Variants in PLEKHA5 observed in about 807,000 individuals in gnomAD.
PLEKHA5 encodes the protein pleckstrin homology domain containing A5, also known as pleckstrin homology domain-containing family A member 5.
A neutral mutation model predicts 181.9 loss-of-function variants in PLEKHA5; 55 were observed. The observed-to-expected ratio is 0.30, with a 90% CI of 0.24 to 0.38. The LOEUF is 0.38. Among genes scored for constraint, PLEKHA5 ranks in the 10% least tolerant of loss-of-function variants. The pLI, the probability that PLEKHA5 is intolerant of heterozygous loss-of-function variation, is 1.00. For missense variants in PLEKHA5, 1,432 were observed against 1,549.5 expected (o/e 0.92, Z 1.27); for synonymous variants, 535 against 529.4 (o/e 1.01, Z -0.15).
chr12:19,167,927 G>C (rs1225977653), intron 3 of PLEKHA5, among the ~76,000 whole-genome samples: 3 of 152,004 alleles, frequency 2.0e-5, no homozygotes, highest in African/African-American at 7.2e-5. Context: ...GGTAGTATGT[G>C]AATCAGTCTA....
At chr12:19,304,014 G>A (rs549757040) in intron 15 of PLEKHA5, among the ~76,000 whole-genome samples, 6 of 149,888 alleles carry the variant, frequency 4.0e-5, no homozygotes, top group Non-Finnish European at 7.4e-5. Flanking sequence ...TCACCATGTT[G>A]CCCATGCTGG....
At chr12:19,291,567 C>A in intron 14 of PLEKHA5, 77 bp from the exon 15 acceptor site, 1 of 838,804 alleles carries the variant, frequency 1.2e-6, no homozygotes, top group South Asian at 1.6e-5. Context: ...ACCTGTTTTT[C>A]TTATTCCAAA....
intron 30 of PLEKHA5, among the ~76,000 whole-genome samples, chr12:19,369,069 C>T (rs1317529589): frequency 6.6e-6 from 1 of 151,944 alleles, no homozygotes; most frequent in Non-Finnish European, 1.5e-5. Flanking sequence ...AAGTCTTGCT[C>T]TCTTGCCCAG....
intron 29 of PLEKHA5, among the ~76,000 whole-genome samples, chr12:19,365,545 G>C (rs1429667922): frequency 6.6e-6 from 1 of 152,128 alleles, no homozygotes; most frequent in Non-Finnish European, 1.5e-5. Flanking sequence ...TAAGGAATTT[G>C]TCAGGCAATA....
rs142102602 is a variant in PLEKHA5 at position 19,322,367 on chromosome 12, C to G, written c.2275C>G (p.Leu759Val). Residue 759 changes from leucine (L) to valine (V), a missense_variant, in exon 19 of 32, where the codon CTT (leucine) becomes GTT (valine). By Grantham distance (32) the Leu-to-Val change is conservative (BLOSUM62 1). Around this residue, in one of 2 missense-constraint regions of PLEKHA5, gnomAD observed 1,143 missense variants for 1,168.4 expected, o/e 0.98. Coordinates refer to ENST00000429027, the MANE Select transcript of PLEKHA5 (RefSeq NM_001256470.2). ...AGTGGTGCATGCTCTGGAAGAGAAACTTCAGCAACTCCACAAGGAGAAAGT... is the reference window on the plus strand; with the variant it reads ...AGTGGTGCATGCTCTGGAAGAGAAAGTTCAGCAACTCCACAAGGAGAAAGT... The part of the protein sequence containing the change: ...DKVVHALEEK[L>V]QQLHKEKYTL... The G allele has an allele frequency of 6.8e-6, 11 of 1,612,654 alleles. No individual in the cohort carries two copies. The highest frequency in any genetic ancestry group is 9.3e-6 in the Non-Finnish European group (11 of 1,178,738).
intron 22 of PLEKHA5, among the ~76,000 whole-genome samples, chr12:19,345,154 C>G (rs2094225382): frequency 6.6e-6 from 1 of 151,750 alleles, no homozygotes; most frequent in South Asian, 2.1e-4. Flanking sequence ...AATCCGAGCA[C>G]TTTGGGAGGC....
chr12:19,159,287 C>A (rs1399471), intron 3 of PLEKHA5, among the ~76,000 whole-genome samples: 1 of 151,956 alleles, frequency 6.6e-6, no homozygotes, highest in Non-Finnish European at 1.5e-5. Context: ...ATCTGGATCC[C>A]AAAAGAAGTA....
At chr12:19,291,565 T>G (rs1341232348) in intron 14 of PLEKHA5, 79 bp from the exon 15 acceptor site, 1 of 823,954 alleles carries the variant, frequency 1.2e-6, no homozygotes, top group Non-Finnish European at 1.9e-6. Flanking sequence ...TTACCTGTTT[T>G]TCTTATTCCA....
In PLEKHA5 at chr12:19,343,313, T is replaced by C; in HGVS notation, c.2551-10T>C. ...TTTCTTATATATGGTCTATCCATTT[T>C]TACTGATAGACGGAATCAGCAGGAA... On this transcript the variant is annotated splice_polypyrimidine_tract_variant and intron_variant, in intron 21 of 31. Coordinates refer to ENST00000429027, the MANE Select transcript of PLEKHA5 (RefSeq NM_001256470.2). 6.4e-7 allele frequency: 1 copy of C among 1,574,448 alleles called. No homozygotes were observed. Among genetic ancestry groups the C allele is most frequent in the Middle Eastern group, 1.7e-4 (1 of 5,970 alleles).
chr12:19,361,680 C>T lies in PLEKHA5; in HGVS notation c.3582C>T (p.Asp1194=), dbSNP rs2095248350. ...TGATGGATAAAGAAAGAAACAAAGA[C>T]AAAATGCCTGAGGATGTTACATTCA... ...VEMMDKERNK[D]KMPEDVTFSP... is the part of the protein sequence containing the mutation. Residue 1194 remains aspartate (D), a synonymous_variant, in exon 29 of 32, where the codon GAC becomes GAT. Transcript: ENST00000429027. 6 of 1,599,400 alleles carry T rather than the reference C, an allele frequency of 3.8e-6. No homozygotes were observed. The highest frequency in any genetic ancestry group is 5.1e-6 in the Non-Finnish European group (6 of 1,171,366).
chr12:19,369,224 G>A (rs1009000203), intron 30 of PLEKHA5, among the ~76,000 whole-genome samples: 2 of 151,656 alleles, frequency 1.3e-5, no homozygotes, highest in South Asian at 4.1e-4. Flanking sequence ...TAGTAGAGTC[G>A]GGGTTTCACC....
chr12:19,178,291 G>A (rs548170363), intron 3 of PLEKHA5, among the ~76,000 whole-genome samples: 59 of 152,254 alleles, frequency 3.9e-4, no homozygotes, highest in African/African-American at 1.4e-3. Flanking sequence ...ATTATATTTT[G>A]TTCAGAATTC....
At chr12:19,246,385 G>A (rs574377958) in intron 3 of PLEKHA5, among the ~76,000 whole-genome samples, 1 of 151,914 alleles carries the variant, frequency 6.6e-6, no homozygotes, top group East Asian at 2.0e-4. Context: ...AGCACTTTGG[G>A]ATGCTGAGGT....
At chr12:19,200,323 A>G in intron 3 of PLEKHA5, 1 of 1,528,340 alleles carries the variant, frequency 6.5e-7, no homozygotes, top group Non-Finnish European at 8.8e-7. Flanking sequence ...TTATCCTTCC[A>G]GCTGAATAGA....
intron 3 of PLEKHA5, among the ~76,000 whole-genome samples, chr12:19,221,205 C>G (rs758208042): frequency 6.6e-6 from 1 of 152,164 alleles, no homozygotes; most frequent in Non-Finnish European, 1.5e-5. Context: ...ATGTCTATAG[C>G]AGCTTTATTC....
intron 12 of PLEKHA5, among the ~76,000 whole-genome samples, chr12:19,284,597 G>C (rs2076846954): frequency 6.6e-6 from 1 of 152,194 alleles, no homozygotes; most frequent in South Asian, 2.1e-4. Flanking sequence ...TGGAGATCAT[G>C]TTTTACTTTG....
At chr12:19,280,631 A>C (rs2075868809) in intron 11 of PLEKHA5, among the ~76,000 whole-genome samples, 1 of 152,192 alleles carries the variant, frequency 6.6e-6, no homozygotes, top group Admixed American at 6.5e-5. Context: ...ACCCTTCCAC[A>C]TACTTGGTTC....
intron 10 of PLEKHA5, among the ~76,000 whole-genome samples, chr12:19,272,463 G>T (rs972400184): frequency 2.6e-5 from 4 of 152,138 alleles, no homozygotes; most frequent in Non-Finnish European, 4.4e-5. Flanking sequence ...TTTAGGCTGA[G>T]CACGGTGGCT....
At position 19,265,626 on chromosome 12, in the gene PLEKHA5, T is replaced by G. The variant is rs185582478; in HGVS notation, c.611-124T>G. 4.0e-3 allele frequency: 2,456 copies of G among 607,226 alleles called. 9 individuals are homozygous for G. Among genetic ancestry groups the G allele is most frequent in the Non-Finnish European group, 6.3e-3 (2,137 of 336,598 alleles). The allele number at this position is 607,226 out of a possible 1,614,324, so 37.6% of individuals were successfully genotyped here. A position where few individuals can be genotyped will look rare whatever the true frequency, so the allele number is the denominator to read the frequency against. ...TTTCATTTAAAACCTTATAAAGGCC[T>G]GCCTGAACATGAATATAGTTCATTT... On this transcript the variant is annotated intron_variant, in intron 7 of 31. Coordinates refer to ENST00000429027, the MANE Select transcript of PLEKHA5 (RefSeq NM_001256470.2).
Sources: gnomAD v4.1 joint callset for allele counts (sites outside exome capture counted in the v4.1 genomes callset) on GRCh38, gnomAD v4.1.1 for gene constraint, gnomAD v4.1.1 regional missense constraint, MANE v1.5 for transcripts, NCBI Gene and HGNC (gene_info 2026-07-23, HGNC 2026-07-21) for gene names.